The following RALGAPA2 variants were observed in gnomAD, a reference collection of about 807,000 sequenced individuals.
RALGAPA2 encodes the protein Ral GTPase activating protein catalytic subunit alpha 2, also known as ral GTPase-activating protein subunit alpha-2.
In RALGAPA2, 139 loss-of-function variants were observed where a neutral mutation model predicts 230.4. The ratio of observed to expected loss-of-function variants is 0.60; its 90% CI spans 0.53 to 0.69. The LOEUF (loss-of-function observed/expected upper bound fraction) is 0.69. Among genes scored for constraint, RALGAPA2 ranks in the 30% least tolerant of loss-of-function variants. RALGAPA2 has a pLI of 0.00. For missense variants in RALGAPA2, 2,163 were observed against 2,276.0 expected (o/e 0.95, Z 1.01); for synonymous variants, 847 against 837.8 (o/e 1.01, Z -0.19).
At chr20:20,642,351 T>C (rs2067070709) in intron 5 of RALGAPA2, among the ~76,000 whole-genome samples, 1 of 151,934 alleles carries the variant, frequency 6.6e-6, no homozygotes, top group Non-Finnish European at 1.5e-5. Context: ...GCTGAGACTA[T>C]AGGCGTATGC....
rs569807185 is a variant in RALGAPA2, at chr20:20,452,248, A to G, written c.5495+20581T>C. Among the ~76,000 whole-genome samples, 7 of 152,374 alleles carry G rather than the reference A, an allele frequency of 4.6e-5. No homozygotes were observed. In the South Asian group the frequency reaches 1.0e-3, roughly 23 times the overall value. On this transcript the variant is annotated intron_variant, in intron 37 of 39. Transcript: ENST00000202677. ...ATCGTTTCATACACTTTCAGTAAGT[A>G]TAACAAATTTTATATAGTGACCCAA... is the stretch of plus-strand genomic sequence containing the variant.
intron 37 of RALGAPA2, among the ~76,000 whole-genome samples, chr20:20,459,044 G>T (rs1045566147): frequency 2.7e-4 from 41 of 151,850 alleles, no homozygotes; most frequent in African/African-American, 9.7e-4. Flanking sequence ...ACAACAATCT[G>T]CTCCAGCTGG....
intron 23 of RALGAPA2, among the ~76,000 whole-genome samples, chr20:20,561,372 C>T (rs754393561): frequency 6.6e-5 from 10 of 152,236 alleles, no homozygotes; most frequent in Non-Finnish European, 1.2e-4. Context: ...TCAGGCAGTG[C>T]TCATGCAAGA....
intron 33 of RALGAPA2, among the ~76,000 whole-genome samples, chr20:20,510,119 C>T (rs2062657072): frequency 6.6e-6 from 1 of 152,132 alleles, no homozygotes; most frequent in South Asian, 2.1e-4. Flanking sequence ...CTGAAACACA[C>T]ACAATGGTGA....
intron 28 of RALGAPA2, among the ~76,000 whole-genome samples, chr20:20,525,164 A>G (rs1476081839): frequency 1.3e-5 from 2 of 152,252 alleles, no homozygotes; most frequent in Non-Finnish European, 2.9e-5. Context: ...CTGCAGTCAC[A>G]TAATTCTGAA....
chr20:20,622,791 C>T (rs943873189), intron 10 of RALGAPA2, among the ~76,000 whole-genome samples: 3 of 151,962 alleles, frequency 2.0e-5, no homozygotes, highest in Non-Finnish European at 4.4e-5. Context: ...ATGAACAAAA[C>T]ATATATATGA....
intron 20 of RALGAPA2, among the ~76,000 whole-genome samples, chr20:20,573,987 C>G (rs1456839585): frequency 6.6e-6 from 1 of 152,134 alleles, no homozygotes; most frequent in Admixed American, 6.6e-5. Context: ...TAAGTGTATG[C>G]TTAATAAACA....
intron 37 of RALGAPA2, among the ~76,000 whole-genome samples, chr20:20,420,831 A>G (rs1486074201): frequency 6.6e-6 from 1 of 152,216 alleles, no homozygotes; most frequent in Non-Finnish European, 1.5e-5. Flanking sequence ...AAAAGACCCT[A>G]CTGTGGCAGA....
chr20:20,448,109 T>TG (rs2060905563), intron 37 of RALGAPA2, among the ~76,000 whole-genome samples: 1 of 152,174 alleles, frequency 6.6e-6, no homozygotes, highest in African/African-American at 2.4e-5. Flanking sequence ...CCAGTTTGGA[T>TG]GGGGGTAAGT....
intron 37 of RALGAPA2, among the ~76,000 whole-genome samples, chr20:20,425,646 G>A (rs1029495354): frequency 3.3e-5 from 5 of 152,182 alleles, no homozygotes; most frequent in African/African-American, 9.7e-5. Flanking sequence ...GTTGCCAAGC[G>A]GCCTTCCTGG....
At chr20:20,451,722 C>T (rs1464291996) in intron 37 of RALGAPA2, among the ~76,000 whole-genome samples, 1 of 152,200 alleles carries the variant, frequency 6.6e-6, no homozygotes, top group Non-Finnish European at 1.5e-5. Context: ...ATTAGCACAA[C>T]TGATCCAAAG....
chr20:20,509,678 AAGT>A (rs1373784156), intron 33 of RALGAPA2, among the ~76,000 whole-genome samples: 1 of 152,212 alleles, frequency 6.6e-6, no homozygotes, highest in African/African-American at 2.4e-5. Flanking sequence ...ACAGGTGGGA[AAGT>A]AGAAGGGTGA....
intron 12 of RALGAPA2, among the ~76,000 whole-genome samples, 154 bp downstream of exon 12, chr20:20,619,123 T>C (rs866369034): frequency 1.3e-5 from 2 of 152,232 alleles, no homozygotes; most frequent in African/African-American, 4.8e-5. Flanking sequence ...AGAATGAGAA[T>C]GTAATAGCTA....
In RALGAPA2 at chr20:20,637,472, C is replaced by A. The variant is rs747409791; in HGVS notation, c.696G>T (p.Glu232Asp). 2.5e-6 allele frequency: 4 copies of A among 1,569,410 alleles called. No individual in the cohort carries two copies. Among genetic ancestry groups the A allele is most frequent in the Non-Finnish European group, 2.6e-6 (3 of 1,155,364 alleles). The change falls in exon 8 of 40, where the codon GAG becomes GAT. Residue 232 changes from glutamate to aspartate, a missense_variant. By Grantham distance (45) the Glu-to-Asp change is conservative. Coordinates refer to ENST00000202677, the MANE Select transcript of RALGAPA2 (RefSeq NM_020343.4). Reference sequence around the variant, plus strand: ...GAAATTTAAAACCAGTATCTTGATTCTCCTTATTCTTCCACTCCAAGCTCG... The same window carrying A: ...GAAATTTAAAACCAGTATCTTGATTATCCTTATTCTTCCACTCCAAGCTCG... Reference protein sequence around the residue: ...QAASLEWKNKENQDTGFKFLF... With the variant: ...QAASLEWKNKDNQDTGFKFLF...
At chr20:20,643,452 G>A in intron 5 of RALGAPA2, 54 bp downstream of exon 5, 1 of 1,413,650 alleles carries the variant, frequency 7.1e-7, no homozygotes, top group Non-Finnish European at 9.5e-7. Flanking sequence ...TTACTTTGTG[G>A]CATTAACAAA....
At chr20:20,555,522 CTTAATAATA>C (rs2064058273) in intron 23 of RALGAPA2, among the ~76,000 whole-genome samples, 1 of 152,144 alleles carries the variant, frequency 6.6e-6, no homozygotes, top group African/African-American at 2.4e-5. Flanking sequence ...GTACTGCTAT[CTTAATAATA>C]TTAAGTCTTC....
intron 23 of RALGAPA2, among the ~76,000 whole-genome samples, chr20:20,550,992 T>G (rs1297485194): frequency 6.6e-6 from 1 of 152,190 alleles, no homozygotes; most frequent in Non-Finnish European, 1.5e-5. Context: ...CAAACAAGCC[T>G]CTTAGATCGC....
chr20:20,467,425 A>G (rs913004104), intron 37 of RALGAPA2, among the ~76,000 whole-genome samples: 3 of 152,204 alleles, frequency 2.0e-5, no homozygotes, highest in South Asian at 4.1e-4. Context: ...TGAAAACAAA[A>G]TATTTTCCTG....
At chr20:20,476,125 C>T (rs2061645384) in intron 36 of RALGAPA2, among the ~76,000 whole-genome samples, 1 of 152,040 alleles carries the variant, frequency 6.6e-6, no homozygotes, top group African/African-American at 2.4e-5. Context: ...CTGGAAGTTT[C>T]AATATTGTTA....
Sources: gnomAD v4.1 joint callset for allele counts (sites outside exome capture counted in the v4.1 genomes callset) on GRCh38, gnomAD v4.1.1 for gene constraint, MANE v1.5 for transcripts, NCBI Gene and HGNC (gene_info 2026-07-23, HGNC 2026-07-21) for gene names.